The following AGBL4 variants were observed in gnomAD, a reference collection of about 807,000 sequenced individuals.
AGBL4 encodes AGBL carboxypeptidase 4.
A neutral mutation model predicts 66.4 loss-of-function variants in AGBL4; 58 were observed. The observed-to-expected ratio is 0.87, with a 90% CI of 0.71 to 1.09. The LOEUF (loss-of-function observed/expected upper bound fraction) is 1.09, where lower values mean the gene tolerates loss of function less well. AGBL4 is among the 50% of genes least tolerant of loss of function. The pLI, the probability that AGBL4 is intolerant of heterozygous loss-of-function variation, is 0.00. For missense variants in AGBL4, 579 were observed against 631.0 expected (o/e 0.92, Z 0.88); for synonymous variants, 234 against 222.9 (o/e 1.05, Z -0.44).
At chr1:48,583,262 G>A (rs141416422) in intron 11 of AGBL4, among the ~76,000 whole-genome samples, 5 of 152,284 alleles carry the variant, frequency 3.3e-5, no homozygotes, top group South Asian at 2.1e-4. Context: ...ACAGACAGTG[G>A]TCCTCATTCA....
At chr1:48,927,417 C>T (rs778126801) in intron 5 of AGBL4, among the ~76,000 whole-genome samples, 5 of 152,132 alleles carry the variant, frequency 3.3e-5, no homozygotes, top group Non-Finnish European at 7.4e-5. Context: ...GACCAACCCT[C>T]ATGATTCAAT....
intron 1 of AGBL4, among the ~76,000 whole-genome samples, chr1:49,958,412 C>T (rs912585415): frequency 2.0e-5 from 3 of 151,732 alleles, no homozygotes; most frequent in Non-Finnish European, 2.9e-5. Flanking sequence ...TATTGCAGCA[C>T]TATTCACAAT....
chr1:49,032,012 C>A (rs1025788086), intron 5 of AGBL4, among the ~76,000 whole-genome samples: 1 of 152,012 alleles, frequency 6.6e-6, no homozygotes, highest in African/African-American at 2.4e-5. Context: ...CTTCTGCAAG[C>A]AGAATAGGAA....
At chr1:48,587,799 C>T (rs1273194026) in intron 10 of AGBL4, among the ~76,000 whole-genome samples, 2 of 151,498 alleles carry the variant, frequency 1.3e-5, no homozygotes, top group Admixed American at 6.6e-5. Context: ...CCCACCACCA[C>T]GACTGGCTAA....
intron 3 of AGBL4, among the ~76,000 whole-genome samples, chr1:49,358,148 G>A (rs1460256215): frequency 6.6e-6 from 1 of 152,074 alleles, no homozygotes; most frequent in Non-Finnish European, 1.5e-5. Context: ...CTGAGTATGA[G>A]GGCTGGAATG....
At chr1:49,187,080 A>G (rs1647028249) in intron 4 of AGBL4, among the ~76,000 whole-genome samples, 2 of 152,224 alleles carry the variant, frequency 1.3e-5, no homozygotes, top group Non-Finnish European at 2.9e-5. Context: ...CATAAAAGGT[A>G]TGAATAAGAT....
At chr1:49,825,452 T>C (rs981500966) in intron 2 of AGBL4, among the ~76,000 whole-genome samples, 7 of 152,200 alleles carry the variant, frequency 4.6e-5, no homozygotes, top group Non-Finnish European at 1.0e-4. Context: ...TTATTCCACA[T>C]ATTTTAAAAT....
intron 3 of AGBL4, among the ~76,000 whole-genome samples, chr1:49,652,311 G>T (rs1193066502): frequency 6.6e-6 from 1 of 152,166 alleles, no homozygotes; most frequent in East Asian, 1.9e-4. Context: ...CCATGCTCTT[G>T]CTGTAGAGGT....
At chr1:49,574,342 G>A (rs145743961) in intron 3 of AGBL4, among the ~76,000 whole-genome samples, 1 of 152,228 alleles carries the variant, frequency 6.6e-6, no homozygotes, top group African/African-American at 2.4e-5. Flanking sequence ...TTAAAAAGAG[G>A]TTCTAACAGT....
intron 3 of AGBL4, among the ~76,000 whole-genome samples, chr1:49,674,571 TACACACACACAC>T (rs139707283): frequency 0.096 from 13,746 of 143,750 alleles, 841 homozygotes; most frequent in East Asian, 0.17. Context: ...AAGAATAAAA[TACACACACACAC>T]ACACACACAC....
intron 3 of AGBL4, among the ~76,000 whole-genome samples, chr1:49,690,086 G>A (rs1340848997): frequency 6.6e-6 from 1 of 152,050 alleles, no homozygotes; most frequent in Admixed American, 6.5e-5. Context: ...CCCTTCACCA[G>A]CCAAAAAGAT....
At chr1:49,044,415 G>A (rs1451217631) in intron 5 of AGBL4, among the ~76,000 whole-genome samples, 10 of 151,968 alleles carry the variant, frequency 6.6e-5, no homozygotes, top group Admixed American at 6.6e-4. Flanking sequence ...CTTGAACCTG[G>A]GAGGCAGAGG....
At chr1:49,285,984 T>A (rs1441586109) in intron 3 of AGBL4, among the ~76,000 whole-genome samples, 2 of 152,114 alleles carry the variant, frequency 1.3e-5, no homozygotes, top group African/African-American at 4.8e-5. Flanking sequence ...GCAAAATGAA[T>A]CCAGCAGCAC....
intron 3 of AGBL4, among the ~76,000 whole-genome samples, chr1:49,380,771 C>T (rs1644586030): frequency 1.3e-5 from 2 of 152,062 alleles, no homozygotes; most frequent in South Asian, 4.1e-4. Flanking sequence ...ATAAATGGTG[C>T]TGGGAAAACT....
At chr1:48,529,013 C>T (rs1212955740), downstream of AGBL4, among the ~76,000 whole-genome samples, 2 of 152,010 alleles carry the variant, frequency 1.3e-5, no homozygotes. Context: ...AAGCCTCTTT[C>T]CCCTCCCTCA....
At chr1:49,135,014 T>C (rs1406954822) in intron 4 of AGBL4, among the ~76,000 whole-genome samples, 1 of 151,736 alleles carries the variant, frequency 6.6e-6, no homozygotes, top group Non-Finnish European at 1.5e-5. Context: ...AGTATACATA[T>C]ATTGTATGCA....
At chr1:49,359,835 G>C (rs1379994834) in intron 3 of AGBL4, among the ~76,000 whole-genome samples, 1 of 151,990 alleles carries the variant, frequency 6.6e-6, no homozygotes, top group Admixed American at 6.6e-5. Context: ...CATATTACTG[G>C]TATGCTGAAG....
chr1:49,520,693 C>A (rs1227754283), intron 3 of AGBL4, among the ~76,000 whole-genome samples: 1 of 151,990 alleles, frequency 6.6e-6, no homozygotes, highest in Non-Finnish European at 1.5e-5. Context: ...CTCCTCTAGA[C>A]GCTGATTTCC....
At chr1:48,945,845 T>A (rs975250941) in intron 5 of AGBL4, among the ~76,000 whole-genome samples, 6 of 152,202 alleles carry the variant, frequency 3.9e-5, no homozygotes, top group Admixed American at 3.9e-4. Flanking sequence ...TGTGTGATCA[T>A]GGGAAATTAC....
Sources: gnomAD v4.1 joint callset for allele counts (sites outside exome capture counted in the v4.1 genomes callset) on GRCh38, gnomAD v4.1.1 for gene constraint, MANE v1.5 for transcripts, NCBI Gene and HGNC (gene_info 2026-07-23, HGNC 2026-07-21) for gene names.